The following RPN2 variants were observed in gnomAD, a reference collection of about 807,000 sequenced individuals.
The protein encoded by RPN2 is dolichyl-diphosphooligosaccharide--protein glycosyltransferase subunit 2.
Under a neutral mutation model 71.4 loss-of-function variants are expected in RPN2, and 29 were observed. The ratio of observed to expected loss-of-function variants is 0.41; its 90% confidence interval spans 0.30 to 0.55. The LOEUF (loss-of-function observed/expected upper bound fraction) is 0.55, where lower values mean the gene tolerates loss of function less well. RPN2 is among the 20% of genes least tolerant of loss of function. The probability of loss-of-function intolerance (pLI) is 0.35; values close to 1 mark genes in which losing one functional copy is unlikely to be tolerated. For missense variants in RPN2, 726 were observed against 774.1 expected (o/e 0.94, Z 0.74); for synonymous variants, 308 against 305.0 (o/e 1.01, Z -0.10).
At chr20:37,224,402 T>C (rs2068029396) in intron 10 of RPN2, among the ~76,000 whole-genome samples, 1 of 152,202 alleles carries the variant, frequency 6.6e-6, no homozygotes, top group Non-Finnish European at 1.5e-5. Flanking sequence ...AGTGACCTAA[T>C]GGCAAGTCTC....
chr20:37,181,226 T>TA (rs1156816187), intron 1 of RPN2, among the ~76,000 whole-genome samples: 170 of 137,034 alleles, frequency 1.2e-3, no homozygotes, highest in Admixed American at 2.3e-3. Flanking sequence ...AGACTCTGTC[T>TA]AAAAAAAAAA....
At chr20:37,196,221 AG>A (rs1368586293) in intron 2 of RPN2, among the ~76,000 whole-genome samples, 2 of 146,240 alleles carry the variant, frequency 1.4e-5, no homozygotes, top group Non-Finnish European at 3.0e-5. Context: ...CACCGTGCCT[AG>A]TCTCCCCCCC....
intron 10 of RPN2, 21 bp from the exon 11 acceptor site, chr20:37,225,667 A>C: frequency 6.6e-7 from 1 of 1,518,916 alleles, no homozygotes; most frequent in Non-Finnish European, 9.1e-7. Flanking sequence ...TCTGAAGACT[A>C]ACTCTATATG....
intron 9 of RPN2, among the ~76,000 whole-genome samples, chr20:37,216,293 C>T (rs371829374): frequency 7.9e-5 from 12 of 151,952 alleles, no homozygotes; most frequent in East Asian, 5.8e-4. Context: ...GAGCTGAGAT[C>T]GTGCCACCGC....
intron 6 of RPN2, among the ~76,000 whole-genome samples, chr20:37,205,182 T>C (rs1225209155): frequency 5.3e-5 from 8 of 152,010 alleles, no homozygotes; most frequent in Non-Finnish European, 1.2e-4. Context: ...ATTACTCCTG[T>C]TTCATCTCCC....
intron 9 of RPN2, among the ~76,000 whole-genome samples, chr20:37,221,944 G>A (rs1189619307): frequency 6.6e-6 from 1 of 152,208 alleles, no homozygotes; most frequent in Non-Finnish European, 1.5e-5. Context: ...TATGGTTTGT[G>A]TACGGGACAG....
At position 37,207,345 on chromosome 20, in the gene RPN2, G is replaced by T. The variant is rs754305502; in HGVS notation, c.763G>T (p.Val255Leu). Residue 255 changes from valine (V) to leucine (L), a missense_variant, in exon 7 of 17, where the codon GTG (valine) becomes TTG (leucine). Physicochemically the swap from Val to Leu is conservative, Grantham distance 32. Coordinates refer to ENST00000237530, the MANE Select transcript of RPN2 (RefSeq NM_002951.5). ...TGAGTCCCTCTCCGAAGCCTTCAGC[G>T]TGGCCTCTGCAGCTGCTGTGCTCTC... Reference protein sequence around the residue: ...NFESLSEAFSVASAAAVLSHN... With the variant: ...NFESLSEAFSLASAAAVLSHN... 4 of 1,613,828 alleles carry T rather than the reference G, an allele frequency of 2.5e-6. No homozygotes were observed. Among genetic ancestry groups the T allele is most frequent in the Non-Finnish European group, 3.4e-6 (4 of 1,179,790 alleles).
chr20:37,185,994 A>G (rs975865487), intron 2 of RPN2, among the ~76,000 whole-genome samples: 1 of 152,166 alleles, frequency 6.6e-6, no homozygotes, highest in Non-Finnish European at 1.5e-5. Flanking sequence ...TGAGGTCTCC[A>G]TTTCCTTGCT....
chr20:37,232,081 G>T (rs1018855317), intron 13 of RPN2, among the ~76,000 whole-genome samples: 2 of 152,218 alleles, frequency 1.3e-5, no homozygotes, highest in Admixed American at 1.3e-4. Flanking sequence ...GTGAGCTGGG[G>T]TTAATGTAGT....
At chr20:37,231,770 A>C (rs2068255727) in intron 13 of RPN2, among the ~76,000 whole-genome samples, 1 of 151,864 alleles carries the variant, frequency 6.6e-6, no homozygotes, top group Admixed American at 6.6e-5. Flanking sequence ...CCTTAGAGCC[A>C]TGGCTCAGGG....
At chr20:37,179,640 G>T in intron 1 of RPN2, 1 of 715,252 alleles carries the variant, frequency 1.4e-6, no homozygotes, top group Non-Finnish European at 2.1e-6. Context: ...CCGCGGACGC[G>T]CTTAGCCTAG....
chr20:37,206,173 A>C (rs1182551635), intron 6 of RPN2, among the ~76,000 whole-genome samples: 1 of 152,248 alleles, frequency 6.6e-6, no homozygotes, highest in Non-Finnish European at 1.5e-5. Context: ...AATAACCTCC[A>C]GAATTTTAAT....
intron 1 of RPN2, among the ~76,000 whole-genome samples, chr20:37,181,391 A>C (rs562712908): frequency 6.6e-6 from 1 of 151,156 alleles, no homozygotes; most frequent in Admixed American, 6.6e-5. Flanking sequence ...GTATGTGTAC[A>C]TACTCCTGAT....
chr20:37,217,236 T>C lies in RPN2; in HGVS notation c.1092+3371T>C, dbSNP rs577894129. Among the ~76,000 whole-genome samples the C allele has an allele frequency of 2.6e-5, 4 of 152,034 alleles. 1 individual carries two copies. Among genetic ancestry groups the C allele is most frequent in the African/African-American group, 9.6e-5 (4 of 41,480 alleles). Reference sequence around the variant, plus strand: ...CGTGAACCACCACCTGCATTGCTTTTTCACTGGGCTGAGAACTCCTATGGG... The same window carrying C: ...CGTGAACCACCACCTGCATTGCTTTCTCACTGGGCTGAGAACTCCTATGGG... On this transcript the variant is annotated intron_variant, in intron 9 of 16. Coordinates refer to ENST00000237530, the MANE Select transcript of RPN2 (RefSeq NM_002951.5).
intron 2 of RPN2, among the ~76,000 whole-genome samples, chr20:37,196,480 G>A (rs535825323): frequency 2.2e-4 from 33 of 152,112 alleles, no homozygotes; most frequent in Non-Finnish European, 4.4e-4. Flanking sequence ...TGATCTGCTC[G>A]CCTTGACCTC....
chr20:37,197,077 G>A (rs1386413249), intron 2 of RPN2, among the ~76,000 whole-genome samples: 1 of 152,188 alleles, frequency 6.6e-6, no homozygotes, highest in Non-Finnish European at 1.5e-5. Flanking sequence ...AGGGTGGGTA[G>A]CAGGGTCAAA....
intron 1 of RPN2, among the ~76,000 whole-genome samples, chr20:37,181,370 C>G (rs1288837497): frequency 2.6e-5 from 4 of 151,724 alleles, no homozygotes; most frequent in Admixed American, 6.6e-5. Context: ...TTGCTGATCT[C>G]AAAAAACACT....
At chr20:37,237,926 T>G (rs894531128) in intron 16 of RPN2, among the ~76,000 whole-genome samples, 5 of 152,184 alleles carry the variant, frequency 3.3e-5, no homozygotes, top group African/African-American at 1.2e-4. Flanking sequence ...CCATGGTGGC[T>G]TATGCCTATA....
chr20:37,185,882 G>A (rs1046200642), intron 2 of RPN2, among the ~76,000 whole-genome samples: 2 of 152,246 alleles, frequency 1.3e-5, no homozygotes, highest in African/African-American at 2.4e-5. Context: ...GAAGGCATTG[G>A]CCAAACTGGG....
Sources: gnomAD v4.1 joint callset for allele counts (sites outside exome capture counted in the v4.1 genomes callset) on GRCh38, gnomAD v4.1.1 for gene constraint, MANE v1.5 for transcripts, NCBI Gene and HGNC (gene_info 2026-07-23, HGNC 2026-07-21) for gene names.